The following GRB10 variants were observed in gnomAD, a reference collection of about 807,000 sequenced individuals.
GRB10 encodes the protein growth factor receptor-bound protein 10.
Under a neutral mutation model 80.9 loss-of-function variants are expected in GRB10, and 20 were observed. The ratio of observed to expected loss-of-function variants is 0.25; its 90% CI spans 0.17 to 0.36. The LOEUF (loss-of-function observed/expected upper bound fraction) is 0.36. Among genes scored for constraint, GRB10 ranks in the 10% least tolerant of loss-of-function variants. The pLI is 1.00. For synonymous variants in GRB10, 291 were observed against 291.5 expected, an observed-to-expected ratio of 1.00 and a Z score of 0.02; for missense variants, 548 against 747.7, an observed-to-expected ratio of 0.73 and a Z score of 3.12.
chr7:50,783,359 G>A (rs185762940), upstream of GRB10, among the ~76,000 whole-genome samples: 47 of 152,152 alleles, frequency 3.1e-4, no homozygotes, highest in African/African-American at 1.1e-3. Flanking sequence ...GTCAGCGAGG[G>A]AAAGAACAGA....
intron 5 of GRB10, among the ~76,000 whole-genome samples, chr7:50,697,919 C>T (rs546604507): frequency 1.6e-4 from 24 of 152,302 alleles, no homozygotes; most frequent in Non-Finnish European, 2.6e-4. Flanking sequence ...GCTGTGAACA[C>T]GCCAAGAGGG....
intron 3 of GRB10, among the ~76,000 whole-genome samples, chr7:50,734,312 C>T (rs1368136058): frequency 1.3e-5 from 2 of 152,290 alleles, no homozygotes; most frequent in African/African-American, 2.4e-5. Flanking sequence ...CATCTCTAAA[C>T]ACTCTTTCTG....
rs115451795 is a variant in GRB10 at position 50,759,695 on chromosome 7, C to T, written c.-216-3639G>A. Among the ~76,000 whole-genome samples, 999 of 152,242 alleles carry T rather than the reference C, an allele frequency of 6.6e-3. 15 individuals carry two copies. The highest frequency in any genetic ancestry group is 0.023 in the African/African-American group (969 of 41,530). On this transcript the variant is annotated intron_variant, in intron 2 of 18. Transcript: ENST00000401949. ...TCCAAGGATGTGGAACCCACAGACGCACAAGCTGTGGAATAGCAGAGCGGC... is the reference window on the plus strand; with the variant it reads ...TCCAAGGATGTGGAACCCACAGACGTACAAGCTGTGGAATAGCAGAGCGGC...
intron 5 of GRB10, among the ~76,000 whole-genome samples, chr7:50,686,676 AT>A (rs1212613505): frequency 1.3e-5 from 2 of 152,134 alleles, no homozygotes; most frequent in African/African-American, 4.8e-5. Context: ...AAAAGCCACC[AT>A]TTTTTGAGCA....
intron 3 of GRB10, among the ~76,000 whole-genome samples, chr7:50,736,547 C>A (rs955989818): frequency 6.6e-6 from 1 of 152,158 alleles, no homozygotes; most frequent in Non-Finnish European, 1.5e-5. Flanking sequence ...AATCCCCATA[C>A]TTTGGGAGGC....
intron 4 of GRB10, chr7:50,705,420 T>C: frequency 2.4e-6 from 1 of 423,130 alleles, no homozygotes; most frequent in Non-Finnish European, 3.2e-6. Context: ...TAGCTTTCTT[T>C]TCATTTTTTA....
At chr7:50,783,414 A>G (rs1357964265), upstream of GRB10, among the ~76,000 whole-genome samples, 7 of 127,714 alleles carry the variant, frequency 5.5e-5, no homozygotes, top group African/African-American at 8.9e-5. Flanking sequence ...CACTTCACAC[A>G]CACACACACC....
intron 5 of GRB10, among the ~76,000 whole-genome samples, chr7:50,682,482 T>C (rs2061655024): frequency 6.6e-6 from 1 of 152,232 alleles, no homozygotes. Flanking sequence ...TTGGTAACCG[T>C]ATTTGAAAAT....
At chr7:50,675,682 C>A (rs1207990121) in intron 5 of GRB10, among the ~76,000 whole-genome samples, 2 of 152,194 alleles carry the variant, frequency 1.3e-5, no homozygotes, top group African/African-American at 2.4e-5. Flanking sequence ...AGATTTTGGA[C>A]TTGCTAGCCT....
chr7:50,625,346 T>A (rs183830609), intron 8 of GRB10, among the ~76,000 whole-genome samples: 1 of 152,146 alleles, frequency 6.6e-6, no homozygotes, highest in Admixed American at 6.5e-5. Flanking sequence ...ACAATAATCA[T>A]TGTATTTGGG....
chr7:50,756,362 C>T (rs2075088355), intron 2 of GRB10, among the ~76,000 whole-genome samples: 1 of 152,206 alleles, frequency 6.6e-6, no homozygotes, highest in Admixed American at 6.5e-5. Context: ...ACAAAGCACA[C>T]AGACCTTTGC....
chr7:50,778,137 G>A (rs374169458), intron 2 of GRB10, among the ~76,000 whole-genome samples: 7 of 152,184 alleles, frequency 4.6e-5, no homozygotes, highest in African/African-American at 1.2e-4. Flanking sequence ...ACTCCACCCC[G>A]ACCCCCCAAA....
intron 8 of GRB10, among the ~76,000 whole-genome samples, chr7:50,620,227 G>A: frequency 6.6e-6 from 1 of 152,184 alleles, no homozygotes; most frequent in East Asian, 1.9e-4. Flanking sequence ...GTACAGCAGG[G>A]TCAAAGTGTG....
chr7:50,782,398 G>A lies in GRB10; in HGVS notation c.-327+26C>T, dbSNP rs1034011842. 1.2e-4 allele frequency: 17 copies of A among 147,118 alleles called. No individual in the cohort carries two copies. Among genetic ancestry groups the A allele is most frequent in the African/African-American group, 3.4e-4 (14 of 40,756 alleles). The allele number at this position is 147,118 out of a possible 1,614,324, so 9.1% of individuals were successfully genotyped here. A position where few individuals can be genotyped will look rare whatever the true frequency, so the allele number is the denominator to read the frequency against. ...CACCGCCCACCGCCCACCGCCCAGC[G>A]CCCGCGGCGGAGCCCACCTGAGTAC... is the stretch of plus-strand genomic sequence containing the variant. On this transcript the variant is annotated intron_variant, in intron 1 of 18. Transcript: ENST00000401949. This position sits in a 1 kb window ranked among gnomAD's most constrained non-coding sequence, Gnocchi z 6.6.
intron 3 of GRB10, among the ~76,000 whole-genome samples, chr7:50,743,974 C>T (rs1587764491): frequency 6.6e-6 from 1 of 152,202 alleles, no homozygotes; most frequent in South Asian, 2.1e-4. Flanking sequence ...AAAGCCTCAC[C>T]AGAGGAAAAC....
chr7:50,698,302 T>G (rs1161655603), intron 5 of GRB10, among the ~76,000 whole-genome samples: 1 of 152,254 alleles, frequency 6.6e-6, no homozygotes, highest in Non-Finnish European at 1.5e-5. Context: ...CTGTAACGTC[T>G]ACATAGAAAT....
intron 4 of GRB10, chr7:50,705,213 T>C: frequency 1.0e-6 from 1 of 985,720 alleles, no homozygotes; most frequent in Non-Finnish European, 1.2e-6. Context: ...AAGCAGAGGG[T>C]AGCCCAGGGG....
chr7:50,765,107 C>T (rs2076197738), intron 2 of GRB10, among the ~76,000 whole-genome samples: 1 of 152,144 alleles, frequency 6.6e-6, no homozygotes, highest in Non-Finnish European at 1.5e-5. Context: ...AAATACAAAT[C>T]AAAACCACAA....
intron 13 of GRB10, among the ~76,000 whole-genome samples, chr7:50,612,233 A>C (rs1359494766): frequency 6.6e-6 from 1 of 152,138 alleles, no homozygotes; most frequent in Non-Finnish European, 1.5e-5. Context: ...CAGTCGTGAA[A>C]ATAATTAACA....
Sources: allele counts gnomAD v4.1 joint callset (sites outside exome capture counted in the v4.1 genomes callset), GRCh38; gene constraint gnomAD v4.1.1; non-coding constraint Gnocchi (gnomAD v3.1); transcripts MANE v1.5; gene names NCBI Gene and HGNC (gene_info 2026-07-23, HGNC 2026-07-21).